NBEA: variants seen among roughly 807,000 people sequenced by gnomAD.
NBEA encodes the protein lysosomal-trafficking regulator 2.
In NBEA, 44 loss-of-function variants were observed where a neutral mutation model predicts 343.4. The ratio of observed to expected loss-of-function variants is 0.13; its 90% CI spans 0.10 to 0.16. The LOEUF (loss-of-function observed/expected upper bound fraction) is 0.16, where lower values mean the gene tolerates loss of function less well. Ranked by LOEUF, NBEA falls within the 10% of genes least tolerant of loss-of-function variation. The pLI is 1.00. For synonymous variants in NBEA, 1,175 were observed against 1,238.7 expected, an observed-to-expected ratio of 0.95 and a Z score of 1.08; for missense variants, 2,555 against 3,631.3, an observed-to-expected ratio of 0.70 and a Z score of 7.62.
intron 38 of NBEA, among the ~76,000 whole-genome samples, chr13:35,364,887 A>C (rs2041013226): frequency 6.6e-6 from 1 of 151,806 alleles, no homozygotes; most frequent in Admixed American, 6.6e-5. Context: ...AATATAATGC[A>C]GGTGCAAAGG....
In NBEA at chr13:35,110,737, A is replaced by G. The variant is rs923439581; in HGVS notation, c.1834-73A>G. On this transcript the variant is annotated intron_variant, in intron 12 of 58. Coordinates refer to ENST00000379939, the MANE Select transcript of NBEA (RefSeq NM_001385012.1). ...TTTACTAATTCACATTTAAATTAAA[A>G]CTGAATGTATATAATATGAGCACTT... is the stretch of plus-strand genomic sequence containing the variant. The G allele has an allele frequency of 1.9e-5, 23 of 1,224,976 alleles. No homozygotes were observed. The African/African-American group carries it at 3.2e-4, about 17-fold the overall frequency. The allele number at this position is 1,224,976 out of a possible 1,614,324, so 75.9% of individuals were successfully genotyped here. A position where few individuals can be genotyped will look rare whatever the true frequency, so the allele number is the denominator to read the frequency against.
chr13:35,147,354 A>G (rs1447227044), intron 18 of NBEA, among the ~76,000 whole-genome samples: 1 of 152,248 alleles, frequency 6.6e-6, no homozygotes, highest in Non-Finnish European at 1.5e-5. Context: ...GAGAAAGCCC[A>G]GAATTCCTTC....
rs1270318248 is a variant in NBEA at position 35,651,855 on chromosome 13, A to C, written c.8014A>C (p.Ile2672Leu). ...CTTGGATCAAGCCCACCATCTTCCC[A>C]TTGAAATGGATCCATTAATAGGTAT... is the stretch of plus-strand genomic sequence containing the variant. The part of the protein sequence containing the change: ...YSLDQAHHLP[I>L]EMDPLIANNS... Residue 2672 changes from isoleucine to leucine, a missense_variant, in exon 53 of 59, where the codon ATT (isoleucine) becomes CTT (leucine). Physicochemically the swap from Ile to Leu is conservative, Grantham distance 5. This residue lies in a region of NBEA where 61 missense variants were observed against 132.1 expected (regional missense o/e 0.46). Coordinates refer to ENST00000379939, the MANE Select transcript of NBEA (RefSeq NM_001385012.1). 6.5e-7 allele frequency: 1 copy of C among 1,541,214 alleles called. No homozygotes were observed. Among genetic ancestry groups the C allele is most frequent in the South Asian group, 1.2e-5 (1 of 83,836 alleles).
At chr13:35,239,070 C>CA (rs751032708) in intron 34 of NBEA, among the ~76,000 whole-genome samples, 1 of 151,502 alleles carries the variant, frequency 6.6e-6, no homozygotes, top group Non-Finnish European at 1.5e-5. Context: ...TACAATAATA[C>CA]AAAAAAATGT....
At chr13:34,955,901 C>A (rs2059475766) in intron 1 of NBEA, among the ~76,000 whole-genome samples, 1 of 152,122 alleles carries the variant, frequency 6.6e-6, no homozygotes, top group South Asian at 2.1e-4. Flanking sequence ...TTCAAAAACA[C>A]CCTCACAGAC....
At chr13:35,508,128 T>C (rs1481045664) in intron 41 of NBEA, among the ~76,000 whole-genome samples, 1 of 152,140 alleles carries the variant, frequency 6.6e-6, no homozygotes, top group African/African-American at 2.4e-5. Flanking sequence ...ATCACAGGGC[T>C]AGAAATTGGT....
At chr13:35,469,549 T>G (rs1460889523) in intron 40 of NBEA, among the ~76,000 whole-genome samples, 2 of 152,278 alleles carry the variant, frequency 1.3e-5, no homozygotes, top group African/African-American at 2.4e-5. Flanking sequence ...GGTGGAATTT[T>G]AAATTATTAT....
chr13:35,495,794 T>C (rs910016218), intron 41 of NBEA, among the ~76,000 whole-genome samples: 2 of 152,010 alleles, frequency 1.3e-5, no homozygotes, highest in Non-Finnish European at 2.9e-5. Context: ...ATTAAAATAA[T>C]ACAAAGATTT....
At chr13:35,187,423 A>G (rs955316227) in intron 30 of NBEA, among the ~76,000 whole-genome samples, 2 of 151,226 alleles carry the variant, frequency 1.3e-5, no homozygotes, top group Non-Finnish European at 3.0e-5. Flanking sequence ...TAACACTAAT[A>G]TATAATACAA....
At chr13:35,505,291 A>G (rs894204226) in intron 41 of NBEA, among the ~76,000 whole-genome samples, 30 of 152,310 alleles carry the variant, frequency 2.0e-4, no homozygotes, top group South Asian at 1.9e-3. Context: ...ATAGCTAACT[A>G]TTATTTCAAT....
intron 1 of NBEA, among the ~76,000 whole-genome samples, chr13:34,989,545 G>T (rs2060675817): frequency 6.6e-6 from 1 of 150,718 alleles, no homozygotes; most frequent in Non-Finnish European, 1.5e-5. Flanking sequence ...GAACCGCAAA[G>T]GGGAAGTCTG....
chr13:35,527,383 G>A (rs2152996227), intron 41 of NBEA, among the ~76,000 whole-genome samples: 1 of 152,272 alleles, frequency 6.6e-6, no homozygotes, highest in East Asian at 1.9e-4. Context: ...TTTCACCAGG[G>A]ACTCTCCCCT....
At position 35,022,256 on chromosome 13, in the gene NBEA, G is replaced by T. The variant is rs958031825; in HGVS notation, c.295-18677G>T. Among the ~76,000 whole-genome samples the T allele has an allele frequency of 2.0e-5, 3 of 152,082 alleles. No homozygotes were observed. The East Asian group carries it at 5.8e-4, about 29-fold the overall frequency. On this transcript the variant is annotated intron_variant, in intron 1 of 58. Transcript: ENST00000379939. ...GGTTATACAGCTTTTGAAAAATTGCGTGTTGCTTTAAATATATTTGAAAGA... is the reference window on the plus strand; with the variant it reads ...GGTTATACAGCTTTTGAAAAATTGCTTGTTGCTTTAAATATATTTGAAAGA...
chr13:35,021,557 G>T (rs978138640), intron 1 of NBEA, among the ~76,000 whole-genome samples: 1 of 151,270 alleles, frequency 6.6e-6, no homozygotes, highest in Admixed American at 6.6e-5. Context: ...TTTTATGTCT[G>T]GTTTTGGATT....
chr13:34,998,826 T>C (rs2152522660), intron 1 of NBEA, among the ~76,000 whole-genome samples: 1 of 152,262 alleles, frequency 6.6e-6, no homozygotes, highest in South Asian at 2.1e-4. Flanking sequence ...TACATCCTCC[T>C]CAGCTTACGA....
chr13:35,404,370 T>G (rs1374198485), intron 38 of NBEA, among the ~76,000 whole-genome samples: 1 of 150,320 alleles, frequency 6.7e-6, no homozygotes, highest in Non-Finnish European at 1.5e-5. Flanking sequence ...CCAACAATGA[T>G]AGACTGGATT....
chr13:35,400,151 C>T (rs917134431), intron 38 of NBEA, among the ~76,000 whole-genome samples: 6 of 129,634 alleles, frequency 4.6e-5, no homozygotes, highest in East Asian at 4.7e-4. Flanking sequence ...GACTATGTCA[C>T]GGATAGATTT....
chr13:35,358,679 G>A (rs1017798530), intron 38 of NBEA, among the ~76,000 whole-genome samples: 1 of 151,564 alleles, frequency 6.6e-6, no homozygotes, highest in East Asian at 2.0e-4. Flanking sequence ...GATTGTGCCA[G>A]TGCACTCCAG....
intron 48 of NBEA, among the ~76,000 whole-genome samples, chr13:35,621,460 C>G (rs545994357): frequency 3.3e-5 from 5 of 152,284 alleles, no homozygotes; most frequent in African/African-American, 1.2e-4. Flanking sequence ...CACATACACC[C>G]TACTCCCCAT....
Sources: allele counts gnomAD v4.1 joint callset (sites outside exome capture counted in the v4.1 genomes callset), GRCh38; gene constraint gnomAD v4.1.1; regional missense constraint gnomAD v4.1.1; transcripts MANE v1.5; gene names NCBI Gene and HGNC (gene_info 2026-07-23, HGNC 2026-07-21).